Variants in PPM1L observed in about 807,000 individuals in gnomAD.
PPM1L encodes protein phosphatase, Mg2+/Mn2+ dependent 1L.
A neutral mutation model predicts 31.4 loss-of-function variants in PPM1L; 13 were observed. That is an observed-to-expected ratio of 0.41 (90% CI 0.27 to 0.66). The LOEUF is 0.66. PPM1L is among the 30% of genes least tolerant of loss of function. PPM1L has a pLI of 0.29. For missense variants in PPM1L, 326 were observed against 453.7 expected, an observed-to-expected ratio of 0.72 and a Z score of 2.56; for synonymous variants, 184 against 175.4, an observed-to-expected ratio of 1.05 and a Z score of -0.39.
chr3:160,975,273 T>C (rs1387110075), intron 2 of PPM1L, among the ~76,000 whole-genome samples: 1 of 152,112 alleles, frequency 6.6e-6, no homozygotes, highest in Non-Finnish European at 1.5e-5. Flanking sequence ...TTGGTTACTG[T>C]AGCCTTGTAG....
At chr3:160,780,317 A>AT (rs1711699492) in intron 1 of PPM1L, among the ~76,000 whole-genome samples, 1 of 152,238 alleles carries the variant, frequency 6.6e-6, no homozygotes, top group Non-Finnish European at 1.5e-5. Flanking sequence ...GTTATAATAT[A>AT]ATGCCATTAT....
intron 1 of PPM1L, among the ~76,000 whole-genome samples, chr3:160,824,413 C>T (rs1320342494): frequency 6.6e-6 from 1 of 152,098 alleles, no homozygotes; most frequent in African/African-American, 2.4e-5. Context: ...TATTAAAGTA[C>T]TGAACCATAA....
intron 2 of PPM1L, among the ~76,000 whole-genome samples, chr3:161,003,426 G>C (rs903337284): frequency 4.0e-5 from 6 of 151,650 alleles, no homozygotes; most frequent in African/African-American, 1.5e-4. Flanking sequence ...AAATTACCTT[G>C]GGCAGTATAG....
At chr3:160,909,141 G>T (rs9881807) in intron 1 of PPM1L, among the ~76,000 whole-genome samples, 1 of 151,826 alleles carries the variant, frequency 6.6e-6, no homozygotes, top group Non-Finnish European at 1.5e-5. Context: ...TTGTAAAGGG[G>T]AGATAAATAA....
At chr3:161,012,889 C>G (rs1428217495) in intron 2 of PPM1L, among the ~76,000 whole-genome samples, 1 of 152,082 alleles carries the variant, frequency 6.6e-6, no homozygotes, top group East Asian at 1.9e-4. Flanking sequence ...TTTATTGCAT[C>G]TATTTGATTC....
chr3:160,955,681 C>T (rs1230509185), intron 1 of PPM1L, among the ~76,000 whole-genome samples: 18 of 145,308 alleles, frequency 1.2e-4, no homozygotes, highest in African/African-American at 7.7e-5. Flanking sequence ...GAGACAGTCT[C>T]GCTCTGTCGC....
chr3:161,012,103 A>G (rs547844869), intron 2 of PPM1L, among the ~76,000 whole-genome samples: 1 of 152,332 alleles, frequency 6.6e-6, no homozygotes, highest in South Asian at 2.1e-4. Context: ...GCCCGTTTTC[A>G]AAGGGAATGC....
intron 1 of PPM1L, among the ~76,000 whole-genome samples, chr3:160,805,039 A>G (rs1299036335): frequency 6.6e-6 from 1 of 152,206 alleles, no homozygotes; most frequent in Non-Finnish European, 1.5e-5. Flanking sequence ...TCCTGCTGTC[A>G]GGCTGCCCTG....
chr3:160,762,464 TGTGAAAAGCA>T (rs1231967685), intron 1 of PPM1L, among the ~76,000 whole-genome samples: 12 of 152,238 alleles, frequency 7.9e-5, no homozygotes, highest in Non-Finnish European at 1.5e-4. Context: ...GTTTGGCACC[TGTGAAAAGCA>T]GTGTTATGTT....
intron 1 of PPM1L, among the ~76,000 whole-genome samples, chr3:160,957,868 G>A (rs547743880): frequency 4.6e-5 from 7 of 152,206 alleles, no homozygotes; most frequent in African/African-American, 1.7e-4. Flanking sequence ...GAGCCACTGC[G>A]GCCGGCCTCT....
chr3:160,903,143 G>T (rs558963872), intron 1 of PPM1L, among the ~76,000 whole-genome samples: 1 of 139,826 alleles, frequency 7.2e-6, no homozygotes, highest in South Asian at 2.3e-4. Flanking sequence ...AGTCAGGGTT[G>T]TCCAAAGAAA....
chr3:160,789,428 A>G (rs1001945572), intron 1 of PPM1L, among the ~76,000 whole-genome samples: 1 of 151,682 alleles, frequency 6.6e-6, no homozygotes, highest in Non-Finnish European at 1.5e-5. Flanking sequence ...CTCTCTTATT[A>G]TTTCTTTCTT....
intron 3 of PPM1L, among the ~76,000 whole-genome samples, chr3:161,067,517 C>A (rs556131856): frequency 1.3e-5 from 2 of 152,232 alleles, no homozygotes; most frequent in Non-Finnish European, 2.9e-5. Flanking sequence ...TATACTGTTT[C>A]CAACAACAAC....
chr3:160,766,066 A>G (rs1184444955), intron 1 of PPM1L, among the ~76,000 whole-genome samples: 1 of 152,198 alleles, frequency 6.6e-6, no homozygotes, highest in Non-Finnish European at 1.5e-5. Flanking sequence ...TCAAAGTCAA[A>G]GTTTAAACAA....
At chr3:160,799,938 C>A (rs144458130) in intron 1 of PPM1L, among the ~76,000 whole-genome samples, 139 of 152,242 alleles carry the variant, frequency 9.1e-4, no homozygotes, top group African/African-American at 3.3e-3. Context: ...GTATGTAAGT[C>A]TCACAAGGAT....
intron 1 of PPM1L, among the ~76,000 whole-genome samples, chr3:160,919,647 TGTTA>T (rs1248644405): frequency 3.9e-5 from 6 of 152,340 alleles, no homozygotes; most frequent in Non-Finnish European, 5.9e-5. Context: ...ATAGTTATAA[TGTTA>T]GTTATGTTTT....
chr3:160,953,800 A>G (rs1715647834), intron 1 of PPM1L, among the ~76,000 whole-genome samples: 1 of 152,202 alleles, frequency 6.6e-6, no homozygotes, highest in African/African-American at 2.4e-5. Context: ...AATTTTCAAG[A>G]GTAAATTTAA....
chr3:161,027,783 G>A (rs1405002204), intron 2 of PPM1L, among the ~76,000 whole-genome samples: 1 of 152,162 alleles, frequency 6.6e-6, no homozygotes, highest in East Asian at 1.9e-4. Context: ...TGAATCTTAT[G>A]TACATCTAAG....
intron 1 of PPM1L, among the ~76,000 whole-genome samples, chr3:160,773,190 G>A (rs1251395877): frequency 2.6e-5 from 4 of 152,192 alleles, no homozygotes; most frequent in African/African-American, 4.8e-5. Context: ...TTTAGCCATT[G>A]TAGTAGGTGT....
Sources: allele counts gnomAD v4.1 joint callset (sites outside exome capture counted in the v4.1 genomes callset), GRCh38; gene constraint gnomAD v4.1.1; transcripts MANE v1.5; gene names NCBI Gene and HGNC (gene_info 2026-07-23, HGNC 2026-07-21).